CD59: variants seen among roughly 807,000 people sequenced by gnomAD.
CD59 encodes the protein CD59 glycoprotein.
Under a neutral mutation model 7.0 loss-of-function variants are expected in CD59, and 3 were observed. The observed-to-expected ratio is 0.43, with a 90% confidence interval of 0.19 to 1.10. CD59 has a LOEUF of 1.10. Ranked by LOEUF, CD59 falls within the 50% of genes least tolerant of loss-of-function variation. The pLI, the probability that CD59 is intolerant of heterozygous loss-of-function variation, is 0.29. For missense variants in CD59, 143 were observed against 151.0 expected, an observed-to-expected ratio of 0.95 and a Z score of 0.28; for synonymous variants, 60 against 62.0, an observed-to-expected ratio of 0.97 and a Z score of 0.15.
chr11:33,718,117 T>C (rs1853883542), intron 2 of CD59: 1 of 156,488 alleles, frequency 6.4e-6, no homozygotes, highest in Admixed American at 6.2e-5. Flanking sequence ...TCTGTGAAAA[T>C]TTTGTTTCTT....
At chr11:33,724,865 TG>T (rs751905826) in intron 1 of CD59, among the ~76,000 whole-genome samples, 2 of 152,092 alleles carry the variant, frequency 1.3e-5, no homozygotes, top group Non-Finnish European at 2.9e-5. Context: ...AGTAGCTATG[TG>T]TAGATGCCAA....
chr11:33,704,019 G>T lies in CD59; in HGVS notation c.*6107C>A, dbSNP rs1853207840. 6.6e-6 allele frequency: 1 copy of T among 152,360 alleles called. No individual in the cohort carries two copies. The highest frequency in any genetic ancestry group is 2.1e-4 in the South Asian group (1 of 4,822). 9.4% of individuals were successfully genotyped at this position (152,360 alleles called of 1,614,324 possible). A position where few individuals can be genotyped will look rare whatever the true frequency, so the allele number is the denominator to read the frequency against. On this transcript the variant is annotated 3_prime_UTR_variant, in exon 4 of 4. Transcript: ENST00000642928. ...AGAGAAAGCACAGAAAGCCTTCTCT[G>T]TCCCAAGGAGCCCCCCTTCCCCTCC...
At chr11:33,726,018 T>C (rs1234711707) in intron 1 of CD59, among the ~76,000 whole-genome samples, 1 of 152,154 alleles carries the variant, frequency 6.6e-6, no homozygotes, top group East Asian at 1.9e-4. Context: ...CAGGAGCACC[T>C]AGACGCATAA....
chr11:33,704,758 C>A lies in CD59; in HGVS notation c.*5368G>T, dbSNP rs764280450. 2 of 152,502 alleles carry A rather than the reference C, an allele frequency of 1.3e-5. No homozygotes were observed. The highest frequency in any genetic ancestry group is 2.9e-5 in the Non-Finnish European group (2 of 68,018). 9.4% of individuals were successfully genotyped at this position (152,502 alleles called of 1,614,324 possible). On this transcript the variant is annotated 3_prime_UTR_variant, in exon 4 of 4. Transcript: ENST00000642928. ...TGTTTGGACAGCCTCCAAATTGTCACCCTAGCCTTCAGGGCAAGGCTGCAC... is the reference window on the plus strand; with the variant it reads ...TGTTTGGACAGCCTCCAAATTGTCAACCTAGCCTTCAGGGCAAGGCTGCAC...
chr11:33,733,160 G>A (rs1230704946), intron 1 of CD59, among the ~76,000 whole-genome samples: 1 of 152,178 alleles, frequency 6.6e-6, no homozygotes, highest in Non-Finnish European at 1.5e-5. Context: ...AATGAGCACA[G>A]AAACAGACTC....
At chr11:33,716,858 T>G (rs1169203483) in intron 3 of CD59, among the ~76,000 whole-genome samples, 1 of 152,204 alleles carries the variant, frequency 6.6e-6, no homozygotes, top group African/African-American at 2.4e-5. Flanking sequence ...AGCTTGAGTC[T>G]CCTCAGGACT....
intron 2 of CD59, among the ~76,000 whole-genome samples, chr11:33,720,536 T>G (rs1156966970): frequency 6.6e-6 from 1 of 151,506 alleles, no homozygotes; most frequent in African/African-American, 2.4e-5. Context: ...CCGCCTCTAC[T>G]AAAAATACAA....
intron 3 of CD59, among the ~76,000 whole-genome samples, chr11:33,712,592 A>C (rs531259506): frequency 6.6e-6 from 1 of 152,244 alleles, no homozygotes; most frequent in Admixed American, 6.5e-5. Context: ...CAAATCTATG[A>C]AGACAGAAAG....
At chr11:33,713,292 G>A (rs575751159) in intron 3 of CD59, among the ~76,000 whole-genome samples, 10 of 152,304 alleles carry the variant, frequency 6.6e-5, no homozygotes, top group African/African-American at 2.4e-4. Context: ...ATTTGTCCTT[G>A]CCCTGAAAGT....
chr11:33,728,952 A>G (rs1854335697), intron 1 of CD59, among the ~76,000 whole-genome samples: 1 of 152,254 alleles, frequency 6.6e-6, no homozygotes, highest in Admixed American at 6.5e-5. Flanking sequence ...AATGCAAATC[A>G]AAACCACAAT....
intron 3 of CD59, among the ~76,000 whole-genome samples, chr11:33,714,284 A>T (rs1293234574): frequency 6.6e-6 from 1 of 152,238 alleles, no homozygotes; most frequent in Admixed American, 6.5e-5. Flanking sequence ...CCTGTACAGC[A>T]AGTTACTATA....
At chr11:33,730,963 A>G (rs577943839) in intron 1 of CD59, among the ~76,000 whole-genome samples, 39 of 152,356 alleles carry the variant, frequency 2.6e-4, no homozygotes, top group African/African-American at 9.1e-4. Flanking sequence ...ATCAATAACT[A>G]TAGTACAGAA....
intron 3 of CD59, among the ~76,000 whole-genome samples, chr11:33,714,936 GT>G (rs58642942): frequency 0.049 from 6,497 of 131,872 alleles, 158 homozygotes; most frequent in African/African-American, 0.089. Context: ...TGCTGAGGCT[GT>G]TTTTTTTTTT....
At position 33,710,204 on chromosome 11, in the gene CD59, A is replaced by G; in HGVS notation, c.309T>C (p.Gly103=). 1 of 1,614,182 alleles carries G rather than the reference A, an allele frequency of 6.2e-7. No homozygotes were observed. Among genetic ancestry groups the G allele is most frequent in the Non-Finnish European group, 8.5e-7 (1 of 1,180,026 alleles). The change falls in exon 4 of 4, where the codon GGT becomes GGC. Residue 103 remains glycine, a synonymous_variant. Transcript: ENST00000642928. Reference sequence around the variant, plus strand: ...CTGTTTTCTCTGATAAGGATGTCCCACCATTTTCAAGCTGTTCGTTAAAGT... The same window carrying G: ...CTGTTTTCTCTGATAAGGATGTCCCGCCATTTTCAAGCTGTTCGTTAAAGT... ...LCNFNEQLEN[G]GTSLSEKTVL...
chr11:33,734,681 T>C (rs1854514312), intron 1 of CD59, among the ~76,000 whole-genome samples: 1 of 152,234 alleles, frequency 6.6e-6, no homozygotes, highest in Admixed American at 6.5e-5. Flanking sequence ...GCCCCTCCCG[T>C]GTTAAGTACA....
chr11:33,707,338 G>A lies in CD59; in HGVS notation c.*2788C>T, dbSNP rs1195333749. 1 of 152,152 alleles carries A rather than the reference G, an allele frequency of 6.6e-6. No individual in the cohort carries two copies. The highest frequency in any genetic ancestry group is 1.9e-4 in the East Asian group (1 of 5,202). 9.4% of individuals were successfully genotyped at this position (152,152 alleles called of 1,614,324 possible). A position where few individuals can be genotyped will look rare whatever the true frequency, so the allele number is the denominator to read the frequency against. ...TCTTGGGCAGGCTCTTATTTTTTCA[G>A]GACACACATAAGACATGGGGGCTAA... On this transcript the variant is annotated 3_prime_UTR_variant, in exon 4 of 4. Coordinates refer to ENST00000642928, the MANE Select transcript of CD59 (RefSeq NM_000611.6).
chr11:33,716,793 C>T (rs1347163106), intron 3 of CD59, among the ~76,000 whole-genome samples: 2 of 152,166 alleles, frequency 1.3e-5, no homozygotes, highest in Non-Finnish European at 2.9e-5. Context: ...GTTGCCCCTC[C>T]CAGGCACACC....
At position 33,709,786 on chromosome 11, in the gene CD59, C is replaced by T. The variant is rs41275158; in HGVS notation, c.*340G>A. ...ACTAATGATGCTAACTGACTACATC[C>T]AAGGAGCCAGAGGAAAAATAATCTG... On this transcript the variant is annotated 3_prime_UTR_variant, in exon 4 of 4. Coordinates refer to ENST00000642928, the MANE Select transcript of CD59 (RefSeq NM_000611.6). The T allele has an allele frequency of 0.011, 4,881 of 430,624 alleles. 40 individuals are homozygous for T. The highest frequency in any genetic ancestry group is 0.025 in the African/African-American group (1,231 of 49,920). 26.7% of individuals were successfully genotyped at this position (430,624 alleles called of 1,614,324 possible).
intron 3 of CD59, among the ~76,000 whole-genome samples, chr11:33,714,194 T>C (rs931993994): frequency 6.6e-6 from 1 of 152,240 alleles, no homozygotes; most frequent in African/African-American, 2.4e-5. Flanking sequence ...CGTCATAGCG[T>C]GTAGTTACAC....
Sources: gnomAD v4.1 joint callset for allele counts (sites outside exome capture counted in the v4.1 genomes callset) on GRCh38, gnomAD v4.1.1 for gene constraint, MANE v1.5 for transcripts, NCBI Gene and HGNC (gene_info 2026-07-23, HGNC 2026-07-21) for gene names.